KRT3: variants seen among roughly 807,000 people sequenced by gnomAD.
The protein encoded by KRT3 is keratin, type II cytoskeletal 3.
A neutral mutation model predicts 45.8 loss-of-function variants in KRT3; 34 were observed. The ratio of observed to expected loss-of-function variants is 0.74; its 90% confidence interval spans 0.57 to 0.99. The LOEUF is 0.99. KRT3 is among the 50% of genes least tolerant of loss of function. The probability of loss-of-function intolerance (pLI) is 0.00; values close to 1 mark genes in which losing one functional copy is unlikely to be tolerated. For synonymous variants in KRT3, 367 were observed against 329.0 expected, an observed-to-expected ratio of 1.12 and a Z score of -1.25; for missense variants, 828 against 820.6, an observed-to-expected ratio of 1.01 and a Z score of -0.11.
rs1181369522 is a variant in KRT3 at position 52,794,275 on chromosome 12, C to G, written c.702G>C (p.Gln234His). 1.2e-6 allele frequency: 2 copies of G among 1,614,188 alleles called. No individual in the cohort carries two copies. The highest frequency in any genetic ancestry group is 1.7e-6 in the Non-Finnish European group (2 of 1,180,038). ...CTGAGATGGAACTTGTGCCCTGCTG[C>G]TGGAGCAGGTTCCACTTGGTCTCCA... ...KVLETKWNLL[Q>H]QQGTSSISGT... The change falls in exon 2 of 9, where the codon CAG becomes CAC. Residue 234 changes from glutamine to histidine, a missense_variant. Transcript: ENST00000417996.
At chr12:52,793,108 A>C (rs1592302483) in intron 3 of KRT3, 55 bp downstream of exon 3, 2 of 1,453,004 alleles carry the variant, frequency 1.4e-6, no homozygotes, top group Non-Finnish European at 1.9e-6. Flanking sequence ...GATTCCCCCA[A>C]CCCAGCCAGA....
In KRT3 at chr12:52,791,371, AG is replaced by A; in HGVS notation, c.1369del (p.Leu457SerfsTer32). 2.5e-6 allele frequency: 4 copies of A among 1,614,180 alleles called. No individual in the cohort carries two copies. The highest frequency in any genetic ancestry group is 3.4e-6 in the Non-Finnish European group (4 of 1,180,018). ...AEAEQHGEMA[L>X]KDANAKLQEL... Reference sequence around the variant, plus strand: ...TTGGAGCTTGGCATTGGCATCCTTGAGGGCCATCTCTCCATGCTGCTCGGCC... The same window carrying A: ...TTGGAGCTTGGCATTGGCATCCTTGAGGCCATCTCTCCATGCTGCTCGGCC... On this transcript the variant is annotated frameshift_variant, in exon 7 of 9. Transcript: ENST00000417996. LOFTEE classifies it high-confidence loss of function.
chr12:52,792,782 T>C lies in KRT3; in HGVS notation c.952A>G (p.Lys318Glu). The change falls in exon 4 of 9, where the codon AAG becomes GAG. Residue 318 changes from lysine to glutamate, a missense_variant. Physicochemically the swap from Lys to Glu is moderately conservative, Grantham distance 56. Coordinates refer to ENST00000417996, the MANE Select transcript of KRT3 (RefSeq NM_057088.3). ...TCCACTTTGGCCTGAAGCTCCACCT[T>C]GTTCATATAGGCACTGTCCACATCC... ...KKDVDSAYMNKVELQAKVDAL... is the reference protein window; with the variant it reads ...KKDVDSAYMNEVELQAKVDAL... 6 of 1,613,286 alleles carry C rather than the reference T, an allele frequency of 3.7e-6. No homozygotes were observed. The highest frequency in any genetic ancestry group is 5.1e-6 in the Non-Finnish European group (6 of 1,179,206).
rs1365362634 is a variant in KRT3, at chr12:52,794,313, G to A, written c.664C>T (p.Gln222Ter). ...FIDKVRFLEQ[Q>*]NKVLETKWNL... is the part of the protein sequence containing the mutation. Reference sequence around the variant, plus strand: ...CACTTGGTCTCCAGGACTTTGTTCTGTTGCTCCAGGAACCGCACCTGCAAT... The same window carrying A: ...CACTTGGTCTCCAGGACTTTGTTCTATTGCTCCAGGAACCGCACCTGCAAT... Residue 222 changes from glutamine (Q) to a stop codon, truncating the protein, a stop_gained, in exon 2 of 9, where the codon CAG (glutamine) becomes TAG (stop). Coordinates refer to ENST00000417996, the MANE Select transcript of KRT3 (RefSeq NM_057088.3). LOFTEE classifies it high-confidence loss of function. The A allele has an allele frequency of 1.2e-6, 2 of 1,613,906 alleles. No homozygotes were observed. The highest frequency in any genetic ancestry group is 1.7e-6 in the Non-Finnish European group (2 of 1,179,964).
intron 5 of KRT3, among the ~76,000 whole-genome samples, 172 bp from the exon 6 acceptor site, chr12:52,791,988 G>A (rs1939521014): frequency 6.6e-6 from 1 of 152,222 alleles, no homozygotes; most frequent in South Asian, 2.1e-4. Flanking sequence ...GAACATCTGG[G>A]TTGTTGTGGT....
intron 5 of KRT3, 113 bp from the exon 6 acceptor site, chr12:52,791,929 G>A: frequency 1.7e-6 from 2 of 1,184,904 alleles, no homozygotes; most frequent in Non-Finnish European, 2.4e-6. Context: ...TTGCTAAAAT[G>A]ATACTGCATT....
At chr12:52,793,656 A>G (rs1372670039) in intron 2 of KRT3, among the ~76,000 whole-genome samples, 1 of 152,144 alleles carries the variant, frequency 6.6e-6, no homozygotes, top group East Asian at 1.9e-4. Flanking sequence ...CAGTGGTACA[A>G]TCTTGACTCA....
In KRT3 at chr12:52,795,725, A is replaced by ACCAAAGCCACCTCCATAGCCGCTC. The variant is rs750279802; in HGVS notation, c.294_317dup (p.Ser99_Gly106dup). On this transcript the variant is annotated inframe_insertion, in exon 1 of 9. Coordinates refer to ENST00000417996, the MANE Select transcript of KRT3 (RefSeq NM_057088.3). ...TTCCTCTGCCACCACCAAAGCCACC[A>ACCAAAGCCACCTCCATAGCCGCTC]CCAAAGCCACCTCCATAGCCGCTCC... The ACCAAAGCCACCTCCATAGCCGCTC allele has an allele frequency of 1.2e-6, 2 of 1,612,960 alleles. No individual in the cohort carries two copies. The highest frequency in any genetic ancestry group is 4.5e-5 in the East Asian group (2 of 44,802).
Position 52,793,347 on chromosome 12 carries a change from A to G in KRT3, c.867-124T>C, listed in dbSNP as rs1019240115. 3.4e-5 allele frequency: 22 copies of G among 650,146 alleles called. No individual in the cohort carries two copies. In the African/African-American group the frequency reaches 4.0e-4, roughly 12 times the overall value. The allele number at this position is 650,146 out of a possible 1,614,324, so 40.3% of individuals were successfully genotyped here. On this transcript the variant is annotated intron_variant, in intron 2 of 8. Coordinates refer to ENST00000417996, the MANE Select transcript of KRT3 (RefSeq NM_057088.3). ...ATCCCTATCCTGCCCCTCTCAGATG[A>G]GCACATCCTCTTTACTATCTCCCTG...
At position 52,789,839 on chromosome 12, in the gene KRT3, A is replaced by T. The variant is rs1466804067; in HGVS notation, c.*203T>A. ...GCCACACCTGGACAATCACAGGCAC[A>T]GGCTGGAGCCGGAGAGAAGAGCCTG... On this transcript the variant is annotated 3_prime_UTR_variant, in exon 9 of 9. Transcript: ENST00000417996. The T allele has an allele frequency of 1.5e-6, 1 of 656,596 alleles. No homozygotes were observed. The highest frequency in any genetic ancestry group is 2.6e-6 in the Non-Finnish European group (1 of 378,484). The allele number at this position is 656,596 out of a possible 1,614,324, so 40.7% of individuals were successfully genotyped here.
intron 7 of KRT3, 30 bp downstream of exon 7, chr12:52,791,176 G>C: frequency 6.2e-7 from 1 of 1,613,922 alleles, no homozygotes; most frequent in Non-Finnish European, 8.5e-7. Context: ...TTGAGCCAGG[G>C]GGTGTGGGAA....
intron 2 of KRT3, among the ~76,000 whole-genome samples, chr12:52,793,536 C>A (rs1939573921): frequency 6.6e-6 from 1 of 152,220 alleles, no homozygotes; most frequent in African/African-American, 2.4e-5. Context: ...GAACCAGGAT[C>A]TTCCCCAACC....
intron 1 of KRT3, 146 bp from the exon 2 acceptor site, chr12:52,794,477 C>G (rs1450953482): frequency 1.6e-6 from 1 of 633,170 alleles, no homozygotes; most frequent in Non-Finnish European, 2.8e-6. Context: ...CTACTGTAGT[C>G]AGAGAGATTA....
chr12:52,795,948 A>T lies in KRT3; in HGVS notation c.95T>A (p.Val32Glu), dbSNP rs779168086. 1.2e-6 allele frequency: 2 copies of T among 1,614,132 alleles called. No homozygotes were observed. The highest frequency in any genetic ancestry group is 2.2e-5 in the South Asian group (2 of 91,088). ...TCCGCCAGCTCCCCCAGAGTGGGCC[A>T]CACAGCTCATCCTGCTGCTGCCGGA... ...VVSGSSRMSC[V>E]AHSGGAGGGA... Residue 32 changes from valine to glutamate, a missense_variant, in exon 1 of 9, where the codon GTG (valine) becomes GAG (glutamate). Physicochemically the swap from Val to Glu is moderately radical, Grantham distance 121. Coordinates refer to ENST00000417996, the MANE Select transcript of KRT3 (RefSeq NM_057088.3).
rs1445267704 is a variant in KRT3 at position 52,794,299 on chromosome 12, C to G, written c.678G>C (p.Leu226=). ...VRFLEQQNKV[L]ETKWNLLQQQ... is the part of the protein sequence containing the mutation. The stretch of plus-strand genomic sequence containing the variant: ...GCTGGAGCAGGTTCCACTTGGTCTC[C>G]AGGACTTTGTTCTGTTGCTCCAGGA... Residue 226 remains leucine (L), a synonymous_variant, in exon 2 of 9, where the codon CTG becomes CTC. Transcript: ENST00000417996. The G allele has an allele frequency of 6.2e-7, 1 of 1,614,126 alleles. No individual in the cohort carries two copies. The highest frequency in any genetic ancestry group is 1.7e-4 in the Middle Eastern group (1 of 6,012).
Position 52,795,890 on chromosome 12 carries a change from G to C in KRT3, c.153C>G (p.Gly51=). ...GAYGFRSGAG[G]FGSRSLYNLG... is the part of the protein sequence containing the mutation. ...GGTTGTAGAGGCTGCGACTGCCAAA[G>C]CCACCTGCTCCGCTCCGGAAGCCAT... Residue 51 remains glycine (G), a synonymous_variant, in exon 1 of 9, where the codon GGC becomes GGG. Coordinates refer to ENST00000417996, the MANE Select transcript of KRT3 (RefSeq NM_057088.3). The C allele has an allele frequency of 6.2e-7, 1 of 1,614,070 alleles. No homozygotes were observed. Among genetic ancestry groups the C allele is most frequent in the Non-Finnish European group, 8.5e-7 (1 of 1,179,906 alleles).
chr12:52,790,339 C>A lies in KRT3; in HGVS notation c.1590G>T (p.Thr530=). The A allele has an allele frequency of 6.3e-7, 1 of 1,595,624 alleles. No individual in the cohort carries two copies. The highest frequency in any genetic ancestry group is 8.5e-7 in the Non-Finnish European group (1 of 1,170,320). Reference sequence around the variant, plus strand: ...CATAGCCACCTGCGGAGGCGGAAGTCGTGCTGCTGCTGACCACGGCTGTGG... The same window carrying A: ...CATAGCCACCTGCGGAGGCGGAAGTAGTGCTGCTGCTGACCACGGCTGTGG... ...AVSISVVSSS[T]TSASAGGYGG... The change falls in exon 9 of 9, where the codon ACG becomes ACT. Residue 530 remains threonine, a synonymous_variant. Transcript: ENST00000417996.
intron 6 of KRT3, 71 bp from the exon 7 acceptor site, chr12:52,791,497 T>A (rs1456607823): frequency 6.6e-7 from 1 of 1,516,906 alleles, no homozygotes; most frequent in African/African-American, 1.4e-5. Context: ...TGCAATGGAT[T>A]ATCCCATCTT....
chr12:52,790,009 C>A lies in KRT3; in HGVS notation c.*33G>T, dbSNP rs979206031. The A allele has an allele frequency of 1.3e-6, 2 of 1,532,218 alleles. No individual in the cohort carries two copies. The highest frequency in any genetic ancestry group is 1.8e-6 in the Non-Finnish European group (2 of 1,141,858). 94.9% of individuals were successfully genotyped at this position (1,532,218 alleles called of 1,614,324 possible). On this transcript the variant is annotated 3_prime_UTR_variant, in exon 9 of 9. Transcript: ENST00000417996. ...GGGGGCGTGGGGAGCGGAGGGGAGGCGCTGGAGTGGCTGCGATGCTGATGC... is the reference window on the plus strand; with the variant it reads ...GGGGGCGTGGGGAGCGGAGGGGAGGAGCTGGAGTGGCTGCGATGCTGATGC...
Sources: allele counts gnomAD v4.1 joint callset (sites outside exome capture counted in the v4.1 genomes callset), GRCh38; gene constraint gnomAD v4.1.1; transcripts MANE v1.5; gene names NCBI Gene and HGNC (gene_info 2026-07-23, HGNC 2026-07-21).